Variants in HDX observed in about 807,000 individuals in gnomAD.
The protein encoded by HDX is chromosome X open reading frame 43.
Under a neutral mutation model 45.2 loss-of-function variants are expected in HDX, and 19 were observed. The ratio of observed to expected loss-of-function variants is 0.42; its 90% CI spans 0.29 to 0.62. The LOEUF is 0.62. Among genes scored for constraint, HDX ranks in the 20% least tolerant of loss-of-function variants. HDX has a pLI of 0.20. For missense variants in HDX, 532 were observed against 493.9 expected (o/e 1.08, Z -0.73); for synonymous variants, 188 against 172.8 (o/e 1.09, Z -0.69).
chrX:84,341,601 A>C (rs1189157221), intron 7 of HDX, among the ~76,000 whole-genome samples: 4 of 110,596 alleles, frequency 3.6e-5, no homozygotes, highest in Non-Finnish European at 5.7e-5. Flanking sequence ...TTTTTTAAAG[A>C]ATTTCTAAAA....
chrX:84,342,217 G>A (rs986611022), intron 7 of HDX, among the ~76,000 whole-genome samples: 6 of 111,398 alleles, frequency 5.4e-5, no homozygotes, highest in African/African-American at 6.5e-5. Flanking sequence ...AATTCAATAC[G>A]TGCAAAGCTG....
chrX:84,341,830 A>G (rs1007396339), intron 7 of HDX, among the ~76,000 whole-genome samples: 3 of 109,243 alleles, frequency 2.7e-5, no homozygotes, highest in African/African-American at 1.0e-4. Context: ...TCCCAACTTC[A>G]AGGGATCCTT....
intron 6 of HDX, among the ~76,000 whole-genome samples, chrX:84,346,229 G>A (rs1261428611): frequency 9.0e-6 from 1 of 111,086 alleles, no homozygotes; most frequent in African/African-American, 3.3e-5. Context: ...GTGAGCACCT[G>A]TAGTTGCATA....
At chrX:84,349,583 G>A (rs1250736852) in intron 6 of HDX, among the ~76,000 whole-genome samples, 4 of 82,587 alleles carry the variant, frequency 4.8e-5, no homozygotes, top group African/African-American at 2.0e-4. Flanking sequence ...GTGTATATAT[G>A]TACATCTATA....
intron 2 of HDX, among the ~76,000 whole-genome samples, chrX:84,477,997 A>G (rs190713653): frequency 1.8e-5 from 2 of 111,998 alleles, no homozygotes; most frequent in Non-Finnish European, 3.8e-5. Flanking sequence ...ACTGCTGACA[A>G]TTTGGTAAAT....
At chrX:84,345,902 C>A in intron 6 of HDX, among the ~76,000 whole-genome samples, 1 of 111,167 alleles carries the variant, frequency 9.0e-6, no homozygotes, top group Non-Finnish European at 1.9e-5. Flanking sequence ...TATTTATCAT[C>A]CCTATATTTG....
chrX:84,487,098 C>T (rs2040810533), intron 2 of HDX, among the ~76,000 whole-genome samples: 1 of 111,711 alleles, frequency 9.0e-6, no homozygotes, highest in Non-Finnish European at 1.9e-5. Flanking sequence ...TTTCCACTGT[C>T]TTCATCATTC....
intron 10 of HDX, among the ~76,000 whole-genome samples, chrX:84,322,375 C>A (rs752757938): frequency 3.6e-5 from 4 of 111,066 alleles, no homozygotes; most frequent in Non-Finnish European, 5.7e-5. Flanking sequence ...AAATTGCGTT[C>A]TTTGTTAAAA....
intron 1 of HDX, among the ~76,000 whole-genome samples, chrX:84,499,376 C>T (rs139533404): frequency 9.0e-6 from 1 of 111,559 alleles, no homozygotes; most frequent in Non-Finnish European, 1.9e-5. Context: ...ATTTTGGGCT[C>T]TCTAAACTTA....
chrX:84,471,011 C>A (rs891812122), intron 3 of HDX, among the ~76,000 whole-genome samples: 1 of 111,366 alleles, frequency 9.0e-6, no homozygotes, highest in Non-Finnish European at 1.9e-5. Context: ...TCCTAAAAAA[C>A]GAATTAAAAT....
intron 5 of HDX, among the ~76,000 whole-genome samples, chrX:84,413,142 G>A (rs2039026011): frequency 9.0e-6 from 1 of 111,396 alleles, no homozygotes; most frequent in African/African-American, 3.3e-5. Context: ...TGAATTTGAT[G>A]CCTGTCACTT....
At position 84,501,815 on chromosome X, in the gene HDX, AG is replaced by A. The variant is rs1209476132; in HGVS notation, c.-110+526del. Among the ~76,000 whole-genome samples the A allele has an allele frequency of 2.0e-4, 22 of 111,525 alleles. 1 individual carries two copies. Among genetic ancestry groups the A allele is most frequent in the Non-Finnish European group, 4.0e-4 (21 of 53,109 alleles). ...TCCAAATTCAGCACAGAAATGGCTC[AG>A]CCCCACCTCTTCCAGTGAAACCGAA... On this transcript the variant is annotated intron_variant, in intron 1 of 10. Coordinates refer to ENST00000373177, the MANE Select transcript of HDX (RefSeq NM_001177479.2).
intron 5 of HDX, among the ~76,000 whole-genome samples, chrX:84,417,218 G>GAGAAAGAAGAA (rs1556012087): frequency 1.0e-5 from 1 of 100,251 alleles, no homozygotes; most frequent in Non-Finnish European, 2.0e-5. Context: ...AAAAAAAAGA[G>GAGAAAGAAGAA]AGAAAGAAAG....
At chrX:84,359,537 G>T (rs1033421233) in intron 6 of HDX, among the ~76,000 whole-genome samples, 2 of 111,581 alleles carry the variant, frequency 1.8e-5, no homozygotes, top group African/African-American at 6.5e-5. Flanking sequence ...CCTTTTTATA[G>T]CTGCATAGTA....
intron 5 of HDX, among the ~76,000 whole-genome samples, chrX:84,431,057 C>T (rs1344105290): frequency 1.8e-5 from 2 of 110,495 alleles, no homozygotes; most frequent in South Asian, 3.8e-4. Flanking sequence ...TGTCTGTTAT[C>T]CCTTCTTTTT....
At chrX:84,429,503 G>C (rs1004524823) in intron 5 of HDX, among the ~76,000 whole-genome samples, 4 of 110,608 alleles carry the variant, frequency 3.6e-5, no homozygotes, top group African/African-American at 1.3e-4. Flanking sequence ...CACACAATTG[G>C]TTTTTGTGTA....
intron 5 of HDX, among the ~76,000 whole-genome samples, chrX:84,420,812 C>T (rs1167625151): frequency 9.0e-6 from 1 of 111,644 alleles, no homozygotes; most frequent in Non-Finnish European, 1.9e-5. Flanking sequence ...CAGTGGAAAC[C>T]TTACAGGCCA....
At chrX:84,385,712 G>T (rs1297705744) in intron 5 of HDX, among the ~76,000 whole-genome samples, 3 of 110,457 alleles carry the variant, frequency 2.7e-5, no homozygotes, top group Non-Finnish European at 5.7e-5. Flanking sequence ...TTTGTATCCT[G>T]AAACCTTACT....
At chrX:84,482,380 C>G (rs1328774055) in intron 2 of HDX, among the ~76,000 whole-genome samples, 1 of 111,479 alleles carries the variant, frequency 9.0e-6, no homozygotes, top group African/African-American at 3.3e-5. Context: ...GTTTAATTGA[C>G]TAACAGTTCT....
Sources: allele counts gnomAD v4.1 joint callset (sites outside exome capture counted in the v4.1 genomes callset), GRCh38; gene constraint gnomAD v4.1.1; transcripts MANE v1.5; gene names NCBI Gene and HGNC (gene_info 2026-07-23, HGNC 2026-07-21).